Variants in TAFA1 observed in about 807,000 individuals in gnomAD.
TAFA1 encodes chemokine-like protein TAFA-1.
In TAFA1, 4 loss-of-function variants were observed where a neutral mutation model predicts 18.5. That is an observed-to-expected ratio of 0.22 (90% confidence interval 0.11 to 0.49). TAFA1 has a LOEUF of 0.49. TAFA1 is among the 20% of genes least tolerant of loss of function. The pLI is 0.98. For missense variants in TAFA1, 147 were observed against 169.0 expected (o/e 0.87, Z 0.72); for synonymous variants, 56 against 55.2 (o/e 1.01, Z -0.06).
At chr3:68,189,600 C>T (rs1191152026) in intron 2 of TAFA1, among the ~76,000 whole-genome samples, 1 of 151,790 alleles carries the variant, frequency 6.6e-6, no homozygotes, top group Non-Finnish European at 1.5e-5. Flanking sequence ...GACTGGTACT[C>T]AGTCAAGAAA....
chr3:68,392,271 T>C (rs1425925481), intron 2 of TAFA1, among the ~76,000 whole-genome samples: 1 of 150,958 alleles, frequency 6.6e-6, no homozygotes, highest in African/African-American at 2.4e-5. Context: ...AAGAAGGATA[T>C]TACATAATGG....
chr3:68,258,053 G>T (rs965923412), intron 2 of TAFA1, among the ~76,000 whole-genome samples: 2 of 152,168 alleles, frequency 1.3e-5, no homozygotes, highest in African/African-American at 4.8e-5. Context: ...GGAGATATGG[G>T]TGCTGAAGGC....
chr3:68,297,736 A>ATT lies in TAFA1; in HGVS notation c.119-119533_119-119532dup, dbSNP rs374934858. Among the ~76,000 whole-genome samples the ATT allele has an allele frequency of 5.3e-3, 779 of 145,768 alleles. 7 individuals are homozygous for ATT. Among genetic ancestry groups the ATT allele is most frequent in the African/African-American group, 0.019 (744 of 40,104 alleles). On this transcript the variant is annotated intron_variant, in intron 2 of 4. Coordinates refer to ENST00000478136, the MANE Select transcript of TAFA1 (RefSeq NM_213609.4). ...ATATCAGTGGGATTTCTGATCATTC[A>ATT]TTTTTTTTTTTTACATTTTTGGGGT...
At chr3:68,316,060 C>T (rs1199019243) in intron 2 of TAFA1, among the ~76,000 whole-genome samples, 1 of 152,148 alleles carries the variant, frequency 6.6e-6, no homozygotes, top group Non-Finnish European at 1.5e-5. Context: ...AGATAATTCC[C>T]AGAGAATATG....
intron 2 of TAFA1, among the ~76,000 whole-genome samples, chr3:68,356,695 C>A (rs550685555): frequency 4.6e-5 from 7 of 151,844 alleles, no homozygotes; most frequent in Admixed American, 1.3e-4. Flanking sequence ...GGGCTGTATA[C>A]AGAATTCAAA....
intron 2 of TAFA1, among the ~76,000 whole-genome samples, chr3:68,239,203 C>A (rs1051598745): frequency 6.6e-6 from 1 of 152,014 alleles, no homozygotes; most frequent in Non-Finnish European, 1.5e-5. Flanking sequence ...CTTTTACCTC[C>A]CTTTTCATTT....
chr3:68,373,352 A>T (rs1396997365), intron 2 of TAFA1, among the ~76,000 whole-genome samples: 1 of 152,210 alleles, frequency 6.6e-6, no homozygotes, highest in African/African-American at 2.4e-5. Flanking sequence ...AGAAATCATG[A>T]GTAACTAAAT....
At chr3:68,151,402 A>C (rs1285970471) in intron 2 of TAFA1, among the ~76,000 whole-genome samples, 2 of 152,188 alleles carry the variant, frequency 1.3e-5, no homozygotes, top group African/African-American at 4.8e-5. Flanking sequence ...CAGAACATTT[A>C]TTAGGCTAAA....
chr3:68,475,676 G>C (rs942830368), intron 3 of TAFA1, among the ~76,000 whole-genome samples: 1 of 152,166 alleles, frequency 6.6e-6, no homozygotes, highest in African/African-American at 2.4e-5. Context: ...TATATACCCA[G>C]TAATGGGATG....
chr3:68,480,223 T>A (rs536568568), intron 3 of TAFA1, among the ~76,000 whole-genome samples: 106 of 136,592 alleles, frequency 7.8e-4, no homozygotes, highest in Admixed American at 1.6e-3. Context: ...AAACCCCATC[T>A]CTACTAAAAA....
intron 2 of TAFA1, among the ~76,000 whole-genome samples, chr3:68,016,942 G>A (rs1219142414): frequency 6.6e-6 from 1 of 152,082 alleles, no homozygotes; most frequent in Admixed American, 6.5e-5. Context: ...TATTACTTAA[G>A]CACTTTTCCA....
chr3:68,007,767 C>T (rs937077332), intron 2 of TAFA1, among the ~76,000 whole-genome samples: 1 of 152,164 alleles, frequency 6.6e-6, no homozygotes, highest in Non-Finnish European at 1.5e-5. Flanking sequence ...CGTCGAGCTT[C>T]CTCCTGCTGC....
chr3:68,001,183 A>T (rs1265658852), upstream of TAFA1, among the ~76,000 whole-genome samples: 1 of 152,192 alleles, frequency 6.6e-6, no homozygotes, highest in African/African-American at 2.4e-5. Flanking sequence ...CTCAGTCCTA[A>T]AAGGAGAATA....
At chr3:68,446,619 CTT>C (rs1158101727) in intron 3 of TAFA1, among the ~76,000 whole-genome samples, 2 of 152,164 alleles carry the variant, frequency 1.3e-5, no homozygotes, top group African/African-American at 4.8e-5. Context: ...GGACAGAAGA[CTT>C]ATGTCTAAAA....
intron 2 of TAFA1, among the ~76,000 whole-genome samples, chr3:68,273,310 A>G (rs1446374367): frequency 6.6e-6 from 1 of 152,186 alleles, no homozygotes; most frequent in Admixed American, 6.5e-5. Context: ...CAAGTCGGGG[A>G]CAGTGGTAGA....
chr3:68,422,856 C>T (rs930878935), intron 3 of TAFA1, among the ~76,000 whole-genome samples: 4 of 151,836 alleles, frequency 2.6e-5, no homozygotes, highest in Non-Finnish European at 4.4e-5. Flanking sequence ...TAATCTATAA[C>T]CCAAAATGGA....
At chr3:68,248,807 G>A (rs974946773) in intron 2 of TAFA1, among the ~76,000 whole-genome samples, 1 of 151,786 alleles carries the variant, frequency 6.6e-6, no homozygotes, top group African/African-American at 2.4e-5. Context: ...TTAGGGGAGG[G>A]TGTTAAGTAA....
At chr3:68,129,504 A>C (rs1419995935) in intron 2 of TAFA1, among the ~76,000 whole-genome samples, 1 of 152,172 alleles carries the variant, frequency 6.6e-6, no homozygotes, top group Non-Finnish European at 1.5e-5. Flanking sequence ...TAAGGGAGAA[A>C]ACATTTCCAA....
chr3:68,451,528 A>C (rs2071566504), intron 3 of TAFA1, among the ~76,000 whole-genome samples: 1 of 152,180 alleles, frequency 6.6e-6, no homozygotes, highest in South Asian at 2.1e-4. Context: ...AAAGGCTATT[A>C]GGCCTTTTCC....
Sources: gnomAD v4.1 joint callset for allele counts (sites outside exome capture counted in the v4.1 genomes callset) on GRCh38, gnomAD v4.1.1 for gene constraint, MANE v1.5 for transcripts, NCBI Gene and HGNC (gene_info 2026-07-23, HGNC 2026-07-21) for gene names.